The following ZNF516 variants were observed in gnomAD, a reference collection of about 807,000 sequenced individuals.
ZNF516 encodes the protein zinc finger protein 516.
ZNF516 carries 19 observed loss-of-function variants against 79.7 expected under a neutral mutation model. That is an observed-to-expected ratio of 0.24 (90% CI 0.17 to 0.35). The LOEUF (loss-of-function observed/expected upper bound fraction) is 0.35. Ranked by LOEUF, ZNF516 falls within the 10% of genes least tolerant of loss-of-function variation. The pLI, the probability that ZNF516 is intolerant of heterozygous loss-of-function variation, is 1.00. For synonymous variants in ZNF516, 877 were observed against 739.5 expected, an observed-to-expected ratio of 1.19 and a Z score of -3.02; for missense variants, 1,678 against 1,679.5, an observed-to-expected ratio of 1.00 and a Z score of 0.02.
chr18:76,400,664 G>C (rs909329999), intron 3 of ZNF516, among the ~76,000 whole-genome samples: 1 of 152,172 alleles, frequency 6.6e-6, no homozygotes, highest in African/African-American at 2.4e-5. Context: ...CACACAGAAA[G>C]CCAGGCAAAA....
At chr18:76,385,071 G>A (rs977592918) in intron 3 of ZNF516, among the ~76,000 whole-genome samples, 13 of 152,322 alleles carry the variant, frequency 8.5e-5, no homozygotes, top group Admixed American at 2.6e-4. Flanking sequence ...AGGCAGCCGG[G>A]TCCGAGCAGC....
At chr18:76,369,408 A>G (rs2074666834) in intron 6 of ZNF516, among the ~76,000 whole-genome samples, 1 of 151,994 alleles carries the variant, frequency 6.6e-6, no homozygotes, top group Non-Finnish European at 1.5e-5. Flanking sequence ...AATTCCAACA[A>G]GGCAAAAAAA....
intron 3 of ZNF516, among the ~76,000 whole-genome samples, chr18:76,420,408 T>C (rs1417182319): frequency 1.3e-5 from 2 of 152,220 alleles, no homozygotes; most frequent in East Asian, 1.9e-4. Flanking sequence ...CATCTTACCA[T>C]ACACTGAATT....
chr18:76,484,230 G>A (rs940236865), intron 1 of ZNF516, among the ~76,000 whole-genome samples: 2 of 152,164 alleles, frequency 1.3e-5, no homozygotes, highest in African/African-American at 4.8e-5. Context: ...CCATTCCTGT[G>A]GCCTTGGCTC....
At chr18:76,492,074 GAGGT>G in intron 1 of ZNF516, 4 of 812,434 alleles carry the variant, frequency 4.9e-6, no homozygotes, top group Non-Finnish European at 6.0e-6. Flanking sequence ...GCGCATGGAC[GAGGT>G]CCCTCCCAGG....
rs774866518 is a variant in ZNF516 at position 76,380,240 on chromosome 18, T to C, written c.1874A>G (p.Asp625Gly). 1.8e-5 allele frequency: 29 copies of C among 1,613,764 alleles called. No individual in the cohort carries two copies. Among genetic ancestry groups the C allele is most frequent in the Non-Finnish European group, 2.4e-5 (28 of 1,179,890 alleles). ...GTTATCTCCCATCTTGTGACTCTGGTCTCCACTGGAGAGCTCGGTCGAAGT... is the reference window on the plus strand; with the variant it reads ...GTTATCTCCCATCTTGTGACTCTGGCCTCCACTGGAGAGCTCGGTCGAAGT... ...EVTSTELSSG[D>G]QSHKMGDNAS... is the part of the protein sequence containing the mutation. Residue 625 changes from aspartate (D) to glycine (G), a missense_variant, in exon 4 of 7, where the codon GAC becomes GGC. By Grantham distance (94) the Asp-to-Gly change is moderately conservative (BLOSUM62 -1). This residue lies in a region of ZNF516 where 1,294 missense variants were observed against 1,248.3 expected (regional missense o/e 1.04). Transcript: ENST00000443185.
chr18:76,462,572 C>T (rs1913189879), intron 2 of ZNF516, among the ~76,000 whole-genome samples: 1 of 152,216 alleles, frequency 6.6e-6, no homozygotes, highest in Admixed American at 6.5e-5. Context: ...GCTCCGGCAC[C>T]TCCCAGAAGA....
At chr18:76,456,118 A>G (rs1912707802) in intron 2 of ZNF516, among the ~76,000 whole-genome samples, 1 of 152,228 alleles carries the variant, frequency 6.6e-6, no homozygotes, top group African/African-American at 2.4e-5. Flanking sequence ...AGACAGCATC[A>G]GTGCTCGCCC....
chr18:76,412,773 T>C (rs1336281521), intron 3 of ZNF516, among the ~76,000 whole-genome samples: 1 of 152,244 alleles, frequency 6.6e-6, no homozygotes, highest in African/African-American at 2.4e-5. Context: ...GACACAGTTT[T>C]GGGCAACCAG....
chr18:76,449,087 C>A (rs113764182), intron 2 of ZNF516, among the ~76,000 whole-genome samples: 45 of 152,288 alleles, frequency 3.0e-4, no homozygotes, highest in African/African-American at 1.0e-3. Flanking sequence ...AATAACCCCA[C>A]ATCCTGTCGG....
intron 3 of ZNF516, among the ~76,000 whole-genome samples, chr18:76,425,172 C>CA (rs1267251437): frequency 3.3e-5 from 5 of 149,960 alleles, no homozygotes; most frequent in South Asian, 2.1e-4. Flanking sequence ...ACCCATCTCT[C>CA]AAAAAAAAGA....
At chr18:76,434,083 C>G (rs73975431) in intron 3 of ZNF516, among the ~76,000 whole-genome samples, 1 of 147,848 alleles carries the variant, frequency 6.8e-6, no homozygotes, top group Non-Finnish European at 1.5e-5. Context: ...ACTGACGGCT[C>G]GGAGTGGAAT....
chr18:76,382,961 T>C (rs1265666055), intron 3 of ZNF516, among the ~76,000 whole-genome samples: 4 of 132,158 alleles, frequency 3.0e-5, no homozygotes, highest in Middle Eastern at 5.1e-3. Context: ...CCTTGAACCC[T>C]GGAGGGGGAG....
intron 2 of ZNF516, among the ~76,000 whole-genome samples, chr18:76,447,538 C>T (rs1912131579): frequency 6.6e-6 from 1 of 152,204 alleles, no homozygotes; most frequent in African/African-American, 2.4e-5. Flanking sequence ...GATAACCAGC[C>T]TTATAAAACT....
upstream of ZNF516, chr18:76,496,387 G>A (rs1915486279): frequency 7.8e-7 from 1 of 1,289,698 alleles, no homozygotes; most frequent in South Asian, 1.2e-5. Flanking sequence ...CTGCAATCCT[G>A]GCGGTTACCT....
At chr18:76,387,277 A>C (rs1173015296) in intron 3 of ZNF516, 1 of 152,234 alleles carries the variant, frequency 6.6e-6, no homozygotes, top group Non-Finnish European at 1.5e-5. Context: ...CATGCACCAC[A>C]CCCAGGCCGG....
intron 6 of ZNF516, among the ~76,000 whole-genome samples, chr18:76,364,761 G>A (rs535676140): frequency 3.9e-5 from 6 of 152,324 alleles, no homozygotes; most frequent in Admixed American, 3.3e-4. Context: ...AGGGCTTGTG[G>A]TCAGCCACGC....
intron 2 of ZNF516, among the ~76,000 whole-genome samples, chr18:76,458,637 A>G (rs3829637): frequency 0.5 from 69,522 of 138,478 alleles, 16,200 homozygotes; most frequent in African/African-American, 0.55. Flanking sequence ...GTGCGTGTGC[A>G]TGCCTCACCG....
intron 6 of ZNF516, among the ~76,000 whole-genome samples, chr18:76,370,224 T>A (rs958074092): frequency 1.3e-5 from 2 of 152,204 alleles, no homozygotes; most frequent in Non-Finnish European, 2.9e-5. Flanking sequence ...AAAACCATCT[T>A]GGAAAAACTG....
Sources: allele counts gnomAD v4.1 joint callset (sites outside exome capture counted in the v4.1 genomes callset), GRCh38; gene constraint gnomAD v4.1.1; regional missense constraint gnomAD v4.1.1; transcripts MANE v1.5; gene names NCBI Gene and HGNC (gene_info 2026-07-23, HGNC 2026-07-21).